MBTD1: variants seen among roughly 807,000 people sequenced by gnomAD.
The protein encoded by MBTD1 is mbt domain containing 1, also known as MBT domain-containing protein 1.
A neutral mutation model predicts 87.8 loss-of-function variants in MBTD1; 24 were observed. That is an observed-to-expected ratio of 0.27 (90% CI 0.20 to 0.38). The LOEUF (loss-of-function observed/expected upper bound fraction) is 0.38, where lower values mean the gene tolerates loss of function less well. Among genes scored for constraint, MBTD1 ranks in the 10% least tolerant of loss-of-function variants. MBTD1 has a pLI of 1.00. For missense variants in MBTD1, 436 were observed against 760.2 expected (o/e 0.57, Z 5.02); for synonymous variants, 237 against 248.6 (o/e 0.95, Z 0.44).
chr17:51,240,043 T>C (rs929653279), intron 2 of MBTD1, among the ~76,000 whole-genome samples: 1 of 152,232 alleles, frequency 6.6e-6, no homozygotes, highest in Non-Finnish European at 1.5e-5. Context: ...GACCTTATCT[T>C]TTTTTATATT....
chr17:51,260,090 G>A (rs2055389824), upstream of MBTD1: 1 of 382,644 alleles, frequency 2.6e-6, no homozygotes, highest in Non-Finnish European at 4.6e-6. Flanking sequence ...GCCGTGACCC[G>A]CGCCCCGATT....
rs5820846 is a variant in MBTD1, at chr17:51,228,607, CAAA to C, written c.-48-3401_-48-3399del. 5.7e-3 allele frequency among the ~76,000 whole-genome samples: 788 copies of C among 137,716 alleles called. 5 individuals carry two copies. The highest frequency in any genetic ancestry group is 0.015 in the African/African-American group (562 of 37,738). 90.3% of individuals were successfully genotyped at this position (137,716 alleles called of 152,430 possible). ...AGAAAATAGGAGACAATAAAAAGGA[CAAA>C]AAAAAAAAAAAATTGGGAGGCTGGG... On this transcript the variant is annotated intron_variant, in intron 2 of 16. Transcript: ENST00000586178.
At chr17:51,249,657 G>C (rs2054658668) in intron 2 of MBTD1, 1 of 151,988 alleles carries the variant, frequency 6.6e-6, no homozygotes, top group South Asian at 2.1e-4. Flanking sequence ...TATCATTAGG[G>C]TATGCATTAT....
intron 6 of MBTD1, among the ~76,000 whole-genome samples, chr17:51,207,421 G>C (rs1244958651): frequency 6.6e-6 from 1 of 152,134 alleles, no homozygotes; most frequent in Non-Finnish European, 1.5e-5. Context: ...CCAATCAGCA[G>C]TGTGGTTTCC....
chr17:51,251,640 G>C (rs1184831235), intron 2 of MBTD1: 1 of 152,154 alleles, frequency 6.6e-6, no homozygotes, highest in Non-Finnish European at 1.5e-5. Flanking sequence ...TGATCATAAG[G>C]AGCAGTTGGA....
chr17:51,260,441 G>A (rs2055408083), upstream of MBTD1: 1 of 874,004 alleles, frequency 1.1e-6, no homozygotes, highest in Non-Finnish European at 1.7e-6. Context: ...GTTACGTAGA[G>A]GGAGGGAGTG....
Position 51,180,706 on chromosome 17 carries a change from A to G in MBTD1, c.1769-12T>C. 1 of 1,417,768 alleles carries G rather than the reference A, an allele frequency of 7.1e-7. No individual in the cohort carries two copies. 87.8% of individuals were successfully genotyped at this position (1,417,768 alleles called of 1,614,324 possible). A position where few individuals can be genotyped will look rare whatever the true frequency, so the allele number is the denominator to read the frequency against. On this transcript the variant is annotated splice_polypyrimidine_tract_variant and intron_variant, in intron 16 of 16. Coordinates refer to ENST00000586178, the MANE Select transcript of MBTD1 (RefSeq NM_017643.3). ...CTGCAGTGTTGTCACTGAATGAAAGAGAGAGAAACATATGGGCATTAAGGC... is the reference window on the plus strand; with the variant it reads ...CTGCAGTGTTGTCACTGAATGAAAGGGAGAGAAACATATGGGCATTAAGGC...
At chr17:51,206,826 T>C in intron 7 of MBTD1, 62 bp downstream of exon 7, 2 of 1,171,240 alleles carry the variant, frequency 1.7e-6, no homozygotes, top group South Asian at 2.6e-5. Flanking sequence ...AAACATGCTT[T>C]TTTTACGAAA....
At chr17:51,260,862 A>G (rs1408346196), upstream of MBTD1, 3 of 1,601,564 alleles carry the variant, frequency 1.9e-6, no homozygotes, top group South Asian at 3.4e-5. Flanking sequence ...TGCTTGGAGG[A>G]GCTGGTCTTC....
At chr17:51,203,005 T>A in intron 9 of MBTD1, 70 bp from the exon 10 acceptor site, 1 of 1,344,426 alleles carries the variant, frequency 7.4e-7, no homozygotes, top group Non-Finnish European at 1.1e-6. Flanking sequence ...TGTATTATAC[T>A]GTAAAAAATA....
intron 6 of MBTD1, among the ~76,000 whole-genome samples, chr17:51,212,649 C>T (rs1232317448): frequency 1.1e-3 from 3 of 2,838 alleles, no homozygotes; most frequent in Non-Finnish European, 2.2e-3. Flanking sequence ...GCTACAATAC[C>T]CAGGAAAAAA....
At chr17:51,188,908 G>A (rs1054301251) in intron 16 of MBTD1, among the ~76,000 whole-genome samples, 14 of 151,906 alleles carry the variant, frequency 9.2e-5, no homozygotes, top group East Asian at 3.9e-4. Flanking sequence ...ACAGGCATGC[G>A]CCACCACGCC....
intron 2 of MBTD1, among the ~76,000 whole-genome samples, chr17:51,226,968 C>T (rs1054867106): frequency 4.1e-5 from 6 of 147,838 alleles, no homozygotes; most frequent in Admixed American, 6.8e-5. Flanking sequence ...TTGGGCTGGG[C>T]GCGGTGACTC....
chr17:51,247,616 T>G (rs539807708), intron 2 of MBTD1, among the ~76,000 whole-genome samples: 3 of 152,236 alleles, frequency 2.0e-5, no homozygotes, highest in African/African-American at 7.2e-5. Flanking sequence ...GCTCAGCTAA[T>G]TTTTTAGTTG....
In MBTD1 at chr17:51,246,802, A is replaced by AT. The variant is rs57822348; in HGVS notation, c.-49+12340dup. 2.7e-4 allele frequency among the ~76,000 whole-genome samples: 40 copies of AT among 147,768 alleles called. 1 individual carries two copies. The highest frequency in any genetic ancestry group is 8.1e-4 in the Admixed American group (12 of 14,782). On this transcript the variant is annotated intron_variant, in intron 2 of 16. Coordinates refer to ENST00000586178, the MANE Select transcript of MBTD1 (RefSeq NM_017643.3). ...AGGCACGTATCACCACACCCAGATA[A>AT]TTTTTTTTTTTATTCTTAGTAGAGA... is the stretch of plus-strand genomic sequence containing the variant.
At chr17:51,202,306 T>C (rs1218106648) in intron 10 of MBTD1, among the ~76,000 whole-genome samples, 2 of 152,230 alleles carry the variant, frequency 1.3e-5, no homozygotes, top group Non-Finnish European at 2.9e-5. Context: ...ATAATTTTAA[T>C]GTAATTCCCT....
intron 16 of MBTD1, chr17:51,183,221 A>G (rs2050396676): frequency 1.5e-5 from 2 of 131,890 alleles, no homozygotes; most frequent in South Asian, 4.7e-4. Context: ...CCTAGACTGG[A>G]GTGCAGTGGC....
At chr17:51,183,896 T>C (rs1411994970) in intron 16 of MBTD1, 1 of 152,222 alleles carries the variant, frequency 6.6e-6, no homozygotes, top group Non-Finnish European at 1.5e-5. Context: ...TGTTCTATGA[T>C]GACTGGATGG....
At chr17:51,193,809 C>T (rs2050930122) in intron 13 of MBTD1, among the ~76,000 whole-genome samples, 1 of 152,164 alleles carries the variant, frequency 6.6e-6, no homozygotes. Flanking sequence ...TTAGTAGAGA[C>T]AGGGTCTCCC....
Sources: gnomAD v4.1 joint callset for allele counts (sites outside exome capture counted in the v4.1 genomes callset) on GRCh38, gnomAD v4.1.1 for gene constraint, MANE v1.5 for transcripts, NCBI Gene and HGNC (gene_info 2026-07-23, HGNC 2026-07-21) for gene names.